Variants in ALDH1A2 observed in about 807,000 individuals in gnomAD.
The protein encoded by ALDH1A2 is retinal dehydrogenase 2.
In ALDH1A2, 27 loss-of-function variants were observed where a neutral mutation model predicts 60.3. That is an observed-to-expected ratio of 0.45 (90% CI 0.33 to 0.62). The LOEUF (loss-of-function observed/expected upper bound fraction) is 0.62. Ranked by LOEUF, ALDH1A2 falls within the 20% of genes least tolerant of loss-of-function variation. The pLI, the probability that ALDH1A2 is intolerant of heterozygous loss-of-function variation, is 0.02. For missense variants in ALDH1A2, 581 were observed against 643.8 expected (o/e 0.90, Z 1.06); for synonymous variants, 289 against 232.4 (o/e 1.24, Z -2.21).
intron 1 of ALDH1A2, among the ~76,000 whole-genome samples, chr15:58,020,268 C>T (rs1189985340): frequency 6.6e-6 from 1 of 152,104 alleles, no homozygotes; most frequent in East Asian, 1.9e-4. Flanking sequence ...GTGAATAGTG[C>T]TGCAATGAAC....
At chr15:58,029,018 A>G (rs1896157872) in intron 1 of ALDH1A2, among the ~76,000 whole-genome samples, 1 of 152,204 alleles carries the variant, frequency 6.6e-6, no homozygotes, top group Non-Finnish European at 1.5e-5. Flanking sequence ...AAGGATATCC[A>G]GGACTTGAAC....
At chr15:57,976,193 C>G (rs1894250230) in intron 7 of ALDH1A2, among the ~76,000 whole-genome samples, 1 of 152,176 alleles carries the variant, frequency 6.6e-6, no homozygotes, top group Non-Finnish European at 1.5e-5. Context: ...TCCATTCTGG[C>G]AAACTCAGTT....
chr15:57,990,975 C>T (rs1376371320), intron 7 of ALDH1A2, among the ~76,000 whole-genome samples: 1 of 151,698 alleles, frequency 6.6e-6, no homozygotes, highest in East Asian at 1.9e-4. Context: ...GAAAAAGATA[C>T]TTTAAATATT....
chr15:58,023,502 G>T (rs1354987409), intron 1 of ALDH1A2, among the ~76,000 whole-genome samples: 2 of 152,132 alleles, frequency 1.3e-5, no homozygotes, highest in African/African-American at 4.8e-5. Flanking sequence ...ATTGTTATCA[G>T]ACTGTCTGAA....
intron 4 of ALDH1A2, among the ~76,000 whole-genome samples, chr15:58,004,728 TAC>T (rs1402693357): frequency 2.4e-4 from 11 of 45,158 alleles, no homozygotes; most frequent in African/African-American, 4.9e-4. Context: ...TGTATATATA[TAC>T]ATATATATAT....
intron 1 of ALDH1A2, among the ~76,000 whole-genome samples, chr15:58,025,703 C>A (rs78793177): frequency 3.9e-4 from 59 of 152,302 alleles, no homozygotes; most frequent in African/African-American, 1.3e-3. Context: ...AAGAATTTAT[C>A]TTGGCTTATG....
chr15:57,963,977 T>C lies in ALDH1A2; in HGVS notation c.994A>G (p.Ile332Val). The C allele has an allele frequency of 1.2e-6, 2 of 1,614,192 alleles. No individual in the cohort carries two copies. Among genetic ancestry groups the C allele is most frequent in the Non-Finnish European group, 1.7e-6 (2 of 1,180,028 alleles). The part of the protein sequence containing the change: ...AGSRIFVEES[I>V]YEEFVRRSVE... ...CTTCTTCTCACAAACTCCTCATAGATGGACTCCTCCACGAAGATGCGAGAG... is the reference window on the plus strand; with the variant it reads ...CTTCTTCTCACAAACTCCTCATAGACGGACTCCTCCACGAAGATGCGAGAG... Residue 332 changes from isoleucine to valine, a missense_variant, in exon 9 of 13, where the codon ATC becomes GTC. By Grantham distance (29) the Ile-to-Val change is conservative (BLOSUM62 3). Around this residue, in one of 2 missense-constraint regions of ALDH1A2, gnomAD observed 375 missense variants for 469.7 expected, o/e 0.80. Coordinates refer to ENST00000249750, the MANE Select transcript of ALDH1A2 (RefSeq NM_003888.4).
At chr15:58,029,347 G>C (rs1341335095) in intron 1 of ALDH1A2, among the ~76,000 whole-genome samples, 1 of 152,140 alleles carries the variant, frequency 6.6e-6, no homozygotes, top group Non-Finnish European at 1.5e-5. Context: ...TGAAACCAAT[G>C]AGAACAAAGA....
chr15:58,015,704 T>C (rs867277223), intron 1 of ALDH1A2, among the ~76,000 whole-genome samples: 1 of 152,120 alleles, frequency 6.6e-6, no homozygotes, highest in Non-Finnish European at 1.5e-5. Context: ...CTATTACACA[T>C]GAGAAAATTG....
At chr15:58,020,481 C>A (rs1895896396) in intron 1 of ALDH1A2, among the ~76,000 whole-genome samples, 1 of 152,082 alleles carries the variant, frequency 6.6e-6, no homozygotes, top group African/African-American at 2.4e-5. Flanking sequence ...ACAAAATTTT[C>A]TTATATTTAA....
At chr15:58,041,925 A>G (rs1896527309) in intron 1 of ALDH1A2, among the ~76,000 whole-genome samples, 2 of 151,946 alleles carry the variant, frequency 1.3e-5, no homozygotes, top group Non-Finnish European at 2.9e-5. Flanking sequence ...CCAACACCAT[A>G]TCGTAGTAAG....
At chr15:57,989,874 T>G (rs1423067492) in intron 7 of ALDH1A2, among the ~76,000 whole-genome samples, 1 of 152,036 alleles carries the variant, frequency 6.6e-6, no homozygotes, top group African/African-American at 2.4e-5. Flanking sequence ...AAAGAAAATA[T>G]TAAGGGCCGT....
chr15:58,012,821 C>G (rs1006583988), intron 3 of ALDH1A2, among the ~76,000 whole-genome samples: 4 of 152,110 alleles, frequency 2.6e-5, no homozygotes, highest in Admixed American at 6.5e-5. Context: ...TCCCCAGAAG[C>G]AAGCCCAATA....
In ALDH1A2 at chr15:57,979,972, C is replaced by G; in HGVS notation, c.798+12733G>C. 3 of 350,518 alleles carry G rather than the reference C, an allele frequency of 8.6e-6. 1 individual carries two copies. Among genetic ancestry groups the G allele is most frequent in the South Asian group, 8.5e-5 (3 of 35,110 alleles). 21.7% of individuals were successfully genotyped at this position (350,518 alleles called of 1,614,324 possible). ...GGTGTCACAGATGTGCTGCCGCGTC[C>G]CAGGAGCTGTCATGCTCACCTGGCT... On this transcript the variant is annotated intron_variant, in intron 7 of 12. Transcript: ENST00000249750.
chr15:58,063,441 T>C (rs928843927), intron 1 of ALDH1A2, among the ~76,000 whole-genome samples: 41 of 152,198 alleles, frequency 2.7e-4, no homozygotes, highest in Non-Finnish European at 5.9e-5. Flanking sequence ...ATAATTTCCC[T>C]CACTTCTGGT....
Position 58,010,695 on chromosome 15 carries a change from A to G in ALDH1A2, c.447T>C (p.Tyr149=), listed in dbSNP as rs758145548. The change falls in exon 4 of 13, where the codon TAT becomes TAC. Residue 149 remains tyrosine, a synonymous_variant. Coordinates refer to ENST00000249750, the MANE Select transcript of ALDH1A2 (RefSeq NM_003888.4). ...GAATTTTATCAGCCCAGCCTGCGTA[A>G]TATCGAAAGGTTTTGATGACGCCCT... ...DLQGVIKTFR[Y]YAGWADKIHG... The G allele has an allele frequency of 3.1e-6, 5 of 1,613,594 alleles. No homozygotes were observed. The highest frequency in any genetic ancestry group is 4.2e-6 in the Non-Finnish European group (5 of 1,179,590).
chr15:57,975,493 C>A (rs1194325766), intron 7 of ALDH1A2, among the ~76,000 whole-genome samples: 1 of 152,066 alleles, frequency 6.6e-6, no homozygotes, highest in Non-Finnish European at 1.5e-5. Flanking sequence ...AGTTGAGCAC[C>A]CCGATCTGGA....
chr15:57,977,103 T>C (rs1174530356), intron 7 of ALDH1A2, among the ~76,000 whole-genome samples: 158 of 152,286 alleles, frequency 1.0e-3, no homozygotes, highest in Non-Finnish European at 1.5e-3. Flanking sequence ...GATGTTTTTT[T>C]TTTTTTCTTG....
intron 1 of ALDH1A2, among the ~76,000 whole-genome samples, chr15:58,041,261 CTG>C (rs1260249045): frequency 6.6e-6 from 1 of 151,884 alleles, no homozygotes; most frequent in Non-Finnish European, 1.5e-5. Context: ...AAAAATAACA[CTG>C]TGTTTTCCAT....
Sources: gnomAD v4.1 joint callset for allele counts (sites outside exome capture counted in the v4.1 genomes callset) on GRCh38, gnomAD v4.1.1 for gene constraint, gnomAD v4.1.1 regional missense constraint, MANE v1.5 for transcripts, NCBI Gene and HGNC (gene_info 2026-07-23, HGNC 2026-07-21) for gene names.